ADGRL3: variants seen among roughly 807,000 people sequenced by gnomAD.
ADGRL3 encodes calcium-independent alpha-latrotoxin receptor 3.
A neutral mutation model predicts 153.5 loss-of-function variants in ADGRL3; 62 were observed. That is an observed-to-expected ratio of 0.40 (90% CI 0.33 to 0.50). The LOEUF is 0.50. Ranked by LOEUF, ADGRL3 falls within the 20% of genes least tolerant of loss-of-function variation. ADGRL3 has a pLI of 0.47. For synonymous variants in ADGRL3, 710 were observed against 672.5 expected (o/e 1.06, Z -0.86); for missense variants, 1,641 against 1,859.4 (o/e 0.88, Z 2.16).
intron 1 of ADGRL3, among the ~76,000 whole-genome samples, chr4:61,341,091 T>C (rs2095799530): frequency 6.6e-6 from 1 of 151,988 alleles, no homozygotes; most frequent in African/African-American, 2.4e-5. Context: ...AACTAACATA[T>C]ATATATAGAC....
At chr4:61,323,768 G>C (rs112323772) in intron 1 of ADGRL3, among the ~76,000 whole-genome samples, 1,821 of 152,204 alleles carry the variant, frequency 0.012, 35 homozygotes, top group African/African-American at 0.041. Context: ...ACATTTTCCT[G>C]CTTTCTTCTG....
chr4:61,518,408 A>G (rs530801778), intron 4 of ADGRL3, among the ~76,000 whole-genome samples: 1 of 152,218 alleles, frequency 6.6e-6, no homozygotes, highest in East Asian at 1.9e-4. Context: ...ATATTAAGTA[A>G]TACTAGCAAA....
intron 5 of ADGRL3, among the ~76,000 whole-genome samples, chr4:61,596,840 A>G (rs1409904054): frequency 6.6e-6 from 1 of 152,196 alleles, no homozygotes; most frequent in Non-Finnish European, 1.5e-5. Context: ...CCTGGGTGAC[A>G]GAGGAATACC....
In ADGRL3 at chr4:61,680,497, A is replaced by G. The variant is rs565703434; in HGVS notation, c.583+3562A>G. On this transcript the variant is annotated intron_variant, in intron 6 of 26. Coordinates refer to ENST00000683033, the MANE Select transcript of ADGRL3 (RefSeq NM_001387552.1). ...AAGGTGAGACTTTTTCATGGACAAA[A>G]TGTAGAAAAACAAAATTTATAGGAA... Among the ~76,000 whole-genome samples, 5 of 151,390 alleles carry G rather than the reference A, an allele frequency of 3.3e-5. No individual in the cohort carries two copies. In the East Asian group the frequency reaches 9.7e-4, roughly 29 times the overall value.
intron 6 of ADGRL3, among the ~76,000 whole-genome samples, chr4:61,708,728 T>C (rs1348507205): frequency 1.3e-5 from 2 of 152,128 alleles, no homozygotes; most frequent in South Asian, 2.1e-4. Context: ...ACGGGTTTTT[T>C]CAGCTAAAAA....
At chr4:61,536,116 G>C (rs2098654359) in intron 4 of ADGRL3, among the ~76,000 whole-genome samples, 1 of 151,930 alleles carries the variant, frequency 6.6e-6, no homozygotes, top group Admixed American at 6.6e-5. Flanking sequence ...ATTTTTGATT[G>C]CTGCCTTAAT....
chr4:61,937,159 G>T (rs2098842643), intron 15 of ADGRL3, among the ~76,000 whole-genome samples: 1 of 152,092 alleles, frequency 6.6e-6, no homozygotes, highest in Admixed American at 6.6e-5. Context: ...CCCTCCAACA[G>T]TATAGCCTGT....
intron 13 of ADGRL3, among the ~76,000 whole-genome samples, chr4:61,926,319 C>T (rs999690810): frequency 6.6e-6 from 1 of 152,106 alleles, no homozygotes; most frequent in African/African-American, 2.4e-5. Context: ...ACTGTCCACC[C>T]ACACATATAC....
chr4:61,845,035 G>C (rs2098098294), intron 9 of ADGRL3, among the ~76,000 whole-genome samples: 1 of 152,142 alleles, frequency 6.6e-6, no homozygotes, highest in Non-Finnish European at 1.5e-5. Flanking sequence ...TTTTCTTAAA[G>C]TAAGCCAGCT....
chr4:61,570,889 A>G (rs1269532226), intron 4 of ADGRL3, among the ~76,000 whole-genome samples: 1 of 152,118 alleles, frequency 6.6e-6, no homozygotes, highest in African/African-American at 2.4e-5. Context: ...TTTCTGAATA[A>G]ATGCATGTTT....
chr4:61,504,886 T>A (rs2098417352), intron 3 of ADGRL3, among the ~76,000 whole-genome samples: 1 of 152,248 alleles, frequency 6.6e-6, no homozygotes, highest in South Asian at 2.1e-4. Flanking sequence ...TGATTCCATA[T>A]CTTGGCCATT....
At chr4:61,952,288 G>T (rs2098949890) in intron 17 of ADGRL3, among the ~76,000 whole-genome samples, 1 of 151,892 alleles carries the variant, frequency 6.6e-6, no homozygotes, top group Non-Finnish European at 1.5e-5. Flanking sequence ...ACCAGCCTGG[G>T]CAACATAGTG....
At chr4:61,533,544 A>C (rs2098636594) in intron 4 of ADGRL3, among the ~76,000 whole-genome samples, 1 of 152,184 alleles carries the variant, frequency 6.6e-6, no homozygotes, top group South Asian at 2.1e-4. Flanking sequence ...ACTAGAAGAT[A>C]AACCATTGAA....
intron 2 of ADGRL3, among the ~76,000 whole-genome samples, chr4:61,383,794 A>T (rs1430523299): frequency 6.6e-6 from 1 of 151,840 alleles, no homozygotes; most frequent in Admixed American, 6.6e-5. Context: ...TGTAACTTTA[A>T]GTCAATATCC....
chr4:61,850,978 G>A (rs1006346305), intron 9 of ADGRL3, among the ~76,000 whole-genome samples: 8 of 152,138 alleles, frequency 5.3e-5, no homozygotes, highest in South Asian at 2.1e-4. Flanking sequence ...ATTTTAAAAA[G>A]CACATTTCCT....
At chr4:61,789,629 T>A (rs1189698197) in intron 8 of ADGRL3, among the ~76,000 whole-genome samples, 2 of 152,192 alleles carry the variant, frequency 1.3e-5, no homozygotes, top group African/African-American at 4.8e-5. Flanking sequence ...AAGTTTGAAA[T>A]TTAAGTATTT....
intron 2 of ADGRL3, among the ~76,000 whole-genome samples, chr4:61,487,692 A>G (rs556547299): frequency 1.3e-4 from 20 of 152,176 alleles, no homozygotes; most frequent in African/African-American, 3.4e-4. Context: ...TTTTTAAAAT[A>G]TATTTTAAAA....
At chr4:61,646,418 A>G (rs1249333387) in intron 5 of ADGRL3, among the ~76,000 whole-genome samples, 5 of 151,570 alleles carry the variant, frequency 3.3e-5, no homozygotes, top group Non-Finnish European at 5.9e-5. Context: ...TTGTGGTTTT[A>G]TCTACTTTTG....
At chr4:61,427,347 C>T (rs1467115252) in intron 2 of ADGRL3, 1 of 152,802 alleles carries the variant, frequency 6.5e-6, no homozygotes, top group Non-Finnish European at 1.5e-5. Flanking sequence ...GTGGTCGCCT[C>T]GCCCCTGTGT....
Sources: allele counts gnomAD v4.1 joint callset (sites outside exome capture counted in the v4.1 genomes callset), GRCh38; gene constraint gnomAD v4.1.1; transcripts MANE v1.5; gene names NCBI Gene and HGNC (gene_info 2026-07-23, HGNC 2026-07-21).